Variants in ARAP2 observed in about 807,000 individuals in gnomAD.
ARAP2 encodes ArfGAP with RhoGAP domain, ankyrin repeat and PH domain 2.
In ARAP2, 148 loss-of-function variants were observed where a neutral mutation model predicts 194.5. The ratio of observed to expected loss-of-function variants is 0.76; its 90% CI spans 0.67 to 0.87. The LOEUF (loss-of-function observed/expected upper bound fraction) is 0.87, where lower values mean the gene tolerates loss of function less well. ARAP2 is among the 40% of genes least tolerant of loss of function. ARAP2 has a pLI of 0.00. For missense variants in ARAP2, 2,128 were observed against 1,989.7 expected, an observed-to-expected ratio of 1.07 and a Z score of -1.32; for synonymous variants, 695 against 683.5, an observed-to-expected ratio of 1.02 and a Z score of -0.26.
chr4:36,209,839 A>G (rs1427852293), intron 6 of ARAP2, among the ~76,000 whole-genome samples: 1 of 152,234 alleles, frequency 6.6e-6, no homozygotes, highest in Admixed American at 6.5e-5. Flanking sequence ...CTTTGTAAAC[A>G]TTTGTTGATA....
At chr4:36,232,227 C>T (rs920780807) in intron 1 of ARAP2, among the ~76,000 whole-genome samples, 2 of 152,216 alleles carry the variant, frequency 1.3e-5, no homozygotes, top group Admixed American at 1.3e-4. Flanking sequence ...ATCCTCACTG[C>T]TTTTGCCATG....
chr4:36,160,334 A>C (rs1159039461), intron 13 of ARAP2, 125 bp downstream of exon 13: 4 of 1,249,782 alleles, frequency 3.2e-6, no homozygotes, highest in Non-Finnish European at 4.1e-6. Context: ...ATGTCACAAA[A>C]GGAAATAAAA....
intron 27 of ARAP2, among the ~76,000 whole-genome samples, chr4:36,097,202 T>C (rs1715548118): frequency 6.6e-6 from 1 of 152,060 alleles, no homozygotes; most frequent in Non-Finnish European, 1.5e-5. Flanking sequence ...ATTGAGTATA[T>C]TGAGTACAAA....
intron 3 of ARAP2, among the ~76,000 whole-genome samples, chr4:36,050,247 T>G (rs1038221366): frequency 6.6e-6 from 1 of 152,236 alleles, no homozygotes; most frequent in Non-Finnish European, 1.5e-5. Flanking sequence ...AGAGAGCATC[T>G]GCAGCCAATG....
At chr4:36,052,145 T>C (rs532680405) in intron 2 of ARAP2, 18 of 152,190 alleles carry the variant, frequency 1.2e-4, no homozygotes, top group South Asian at 8.3e-4. Context: ...AACTTGTAAA[T>C]AGAAATAACA....
chr4:36,092,988 AATACGGTACATT>A (rs1322521562), intron 27 of ARAP2, among the ~76,000 whole-genome samples: 1 of 152,180 alleles, frequency 6.6e-6, no homozygotes, highest in Non-Finnish European at 1.5e-5. Context: ...GAATAAAGAA[AATACGGTACATT>A]TACATCATGG....
At chr4:36,031,757 C>T (rs2109364694) in intron 5 of ARAP2, among the ~76,000 whole-genome samples, 2 of 152,056 alleles carry the variant, frequency 1.3e-5, no homozygotes, top group South Asian at 4.2e-4. Context: ...CAACCTCTGC[C>T]TCCCAGGTTC....
intron 6 of ARAP2, among the ~76,000 whole-genome samples, chr4:36,202,562 G>A (rs555267931): frequency 1.3e-5 from 2 of 151,528 alleles, no homozygotes; most frequent in East Asian, 3.9e-4. Flanking sequence ...CAATGATAAA[G>A]CCTGAATTTT....
At chr4:36,203,063 T>C (rs1009426716) in intron 6 of ARAP2, among the ~76,000 whole-genome samples, 3 of 152,172 alleles carry the variant, frequency 2.0e-5, no homozygotes, top group Non-Finnish European at 4.4e-5. Context: ...GATGTAGACT[T>C]GCACTCCAAC....
At chr4:36,091,369 T>G (rs1222894160) in intron 28 of ARAP2, among the ~76,000 whole-genome samples, 1 of 152,130 alleles carries the variant, frequency 6.6e-6, no homozygotes, top group African/African-American at 2.4e-5. Context: ...ACTCCACAAT[T>G]ATTTAATAAG....
chr4:36,140,041 A>G (rs1388854348), intron 19 of ARAP2, among the ~76,000 whole-genome samples: 2 of 151,326 alleles, frequency 1.3e-5, no homozygotes, highest in Non-Finnish European at 3.0e-5. Context: ...GGACTACCTT[A>G]GTGTCTCAGG....
At chr4:36,186,102 CA>C (rs1026669817) in intron 8 of ARAP2, among the ~76,000 whole-genome samples, 4 of 152,016 alleles carry the variant, frequency 2.6e-5, no homozygotes, top group African/African-American at 4.8e-5. Flanking sequence ...CATTATAATT[CA>C]AATAATTAAA....
intron 9 of ARAP2, among the ~76,000 whole-genome samples, chr4:36,176,577 T>C (rs1275419050): frequency 4.6e-5 from 7 of 152,154 alleles, no homozygotes; most frequent in Admixed American, 4.6e-4. Flanking sequence ...TCCATACAGA[T>C]ACATGCAAAT....
At chr4:36,189,295 GGATACATAGTGATGTCAT>G (rs1296149682) in intron 7 of ARAP2, among the ~76,000 whole-genome samples, 1 of 151,538 alleles carries the variant, frequency 6.6e-6, no homozygotes, top group Non-Finnish European at 1.5e-5. Context: ...CGTATTTATG[GGATACATAGTGATGTCAT>G]GATACATAGT....
chr4:36,030,659 C>T (rs1298154388), intron 5 of ARAP2, among the ~76,000 whole-genome samples: 1 of 152,108 alleles, frequency 6.6e-6, no homozygotes, highest in African/African-American at 2.4e-5. Context: ...TACATTGCCT[C>T]ATATCTTTTC....
Position 36,126,067 on chromosome 4 carries a change from A to C in ARAP2, c.3641-1100T>G, listed in dbSNP as rs1489858273. Among the ~76,000 whole-genome samples, 9 of 152,090 alleles carry C rather than the reference A, an allele frequency of 5.9e-5. No homozygotes were observed. In the East Asian group the frequency reaches 9.8e-4, roughly 16 times the overall value. On this transcript the variant is annotated intron_variant, in intron 21 of 32. Coordinates refer to ENST00000303965, the MANE Select transcript of ARAP2 (RefSeq NM_015230.4). ...TGCAAGTGATATCTCTTTTGTACTG[A>C]TTTAGCCTGTACCTGAAAGCAATAG...
intron 25 of ARAP2, among the ~76,000 whole-genome samples, 173 bp from the exon 26 acceptor site, chr4:36,114,460 A>G (rs545177342): frequency 1.3e-5 from 2 of 152,172 alleles, no homozygotes; most frequent in South Asian, 2.1e-4. Context: ...GATCTTTTCC[A>G]TAAAATGTAC....
chr4:36,016,104 T>A (rs889485385), intron 6 of ARAP2: 1 of 152,154 alleles, frequency 6.6e-6, no homozygotes, highest in African/African-American at 2.4e-5. Flanking sequence ...AAAAACTATA[T>A]AGTAGTTAGT....
intron 2 of ARAP2, among the ~76,000 whole-genome samples, chr4:36,224,138 C>T (rs1749746518): frequency 6.7e-6 from 1 of 149,094 alleles, no homozygotes; most frequent in South Asian, 2.1e-4. Context: ...ATGAACTGTA[C>T]TTACTTACTA....
Sources: gnomAD v4.1 joint callset for allele counts (sites outside exome capture counted in the v4.1 genomes callset) on GRCh38, gnomAD v4.1.1 for gene constraint, MANE v1.5 for transcripts, NCBI Gene and HGNC (gene_info 2026-07-23, HGNC 2026-07-21) for gene names.